Variants in PCDHA4 observed in about 807,000 individuals in gnomAD.
PCDHA4 encodes protocadherin alpha 4, also known as protocadherin alpha-4.
A neutral mutation model predicts 61.4 loss-of-function variants in PCDHA4; 49 were observed. That is an observed-to-expected ratio of 0.80 (90% CI 0.63 to 1.01). The LOEUF is 1.01. PCDHA4 is among the 50% of genes least tolerant of loss of function. PCDHA4 has a pLI of 0.00. For synonymous variants in PCDHA4, 590 were observed against 550.3 expected (o/e 1.07, Z -1.01); for missense variants, 1,254 against 1,235.8 (o/e 1.01, Z -0.22).
At chr5:140,964,446 G>A (rs782155669) in intron 1 of PCDHA4, among the ~76,000 whole-genome samples, 2 of 152,100 alleles carry the variant, frequency 1.3e-5, no homozygotes, top group Non-Finnish European at 2.9e-5. Context: ...CTCTGCCACT[G>A]TAATCTCTTC....
At chr5:140,968,986 A>ATGCTGTGGAGGC (rs782197469) in intron 1 of PCDHA4, 25 of 1,614,206 alleles carry the variant, frequency 1.5e-5, no homozygotes, top group Non-Finnish European at 1.9e-5. Flanking sequence ...ATGGCACTGC[A>ATGCTGTGGAGGC]TGCTGTGGAG....
chr5:140,820,280 A>T (rs188289585), intron 1 of PCDHA4, among the ~76,000 whole-genome samples: 5 of 152,118 alleles, frequency 3.3e-5, no homozygotes, highest in African/African-American at 1.2e-4. Flanking sequence ...ATCTTTAAAG[A>T]TTGTATCAGA....
At chr5:140,910,067 G>A (rs868941459) in intron 1 of PCDHA4, among the ~76,000 whole-genome samples, 11 of 152,312 alleles carry the variant, frequency 7.2e-5, no homozygotes, top group Non-Finnish European at 1.3e-4. Context: ...TTTTAACAGC[G>A]TAAATTGTTG....
At chr5:140,970,815 A>G (rs782758365) in intron 1 of PCDHA4, among the ~76,000 whole-genome samples, 2 of 152,114 alleles carry the variant, frequency 1.3e-5, no homozygotes, top group Non-Finnish European at 2.9e-5. Flanking sequence ...TTTCAAGTTC[A>G]TGGTAATCTT....
In PCDHA4 at chr5:140,863,490, A is replaced by C. The variant is rs149382847; in HGVS notation, c.2385+53918A>C. ...TGGAGAGTCGCCTCCCAAGGTCAAC[A>C]TTACGGCTTTTAGTCCTAGTGTTCT... is the stretch of plus-strand genomic sequence containing the variant. On this transcript the variant is annotated intron_variant, in intron 1 of 3. Coordinates refer to ENST00000530339, the MANE Select transcript of PCDHA4 (RefSeq NM_018907.4). 1.5e-4 allele frequency: 69 copies of C among 449,374 alleles called. No homozygotes were observed. In the East Asian group the frequency reaches 3.4e-3, roughly 22 times the overall value. 27.8% of individuals were successfully genotyped at this position (449,374 alleles called of 1,614,324 possible). A position where few individuals can be genotyped will look rare whatever the true frequency, so the allele number is the denominator to read the frequency against.
At chr5:140,900,941 C>T (rs1241522274) in intron 1 of PCDHA4, among the ~76,000 whole-genome samples, 1 of 152,140 alleles carries the variant, frequency 6.6e-6, no homozygotes, top group African/African-American at 2.4e-5. Flanking sequence ...TTTTGATTTG[C>T]ATTTCTCTGA....
rs1193059751 is a variant in PCDHA4 at position 140,857,644 on chromosome 5, C to G, written c.2385+48072C>G. ...ACGAGGAGCTGGAGCTGCTACAGTT[C>G]CAGGTGAGCGCGCGCGATGGGGGCG... On this transcript the variant is annotated intron_variant, in intron 1 of 3. Coordinates refer to ENST00000530339, the MANE Select transcript of PCDHA4 (RefSeq NM_018907.4). 9 of 1,596,322 alleles carry G rather than the reference C, an allele frequency of 5.6e-6. 1 individual carries two copies. Among genetic ancestry groups the G allele is most frequent in the Non-Finnish European group, 7.7e-6 (9 of 1,167,662 alleles).
At chr5:140,961,248 G>A (rs144956279) in intron 1 of PCDHA4, among the ~76,000 whole-genome samples, 129 of 152,276 alleles carry the variant, frequency 8.5e-4, no homozygotes, top group African/African-American at 1.8e-3. Flanking sequence ...GAATTTATCC[G>A]AAGCTCCAGG....
At chr5:140,870,944 C>G in intron 1 of PCDHA4, 1 of 1,613,658 alleles carries the variant, frequency 6.2e-7, no homozygotes, top group Middle Eastern at 1.7e-4. Context: ...CAGCCGGCGG[C>G]GGGCGGCTCG....
In PCDHA4 at chr5:140,870,728, C is replaced by G. The variant is rs531202250; in HGVS notation, c.2385+61156C>G. On this transcript the variant is annotated intron_variant, in intron 1 of 3. Transcript: ENST00000530339. Reference sequence around the variant, plus strand: ...GTGAGCGCGCGCGATGCGGGCGTGCCGCCTCTGAGCAGCAACGTGACGCTG... The same window carrying G: ...GTGAGCGCGCGCGATGCGGGCGTGCGGCCTCTGAGCAGCAACGTGACGCTG... The G allele has an allele frequency of 5.0e-6, 8 of 1,613,220 alleles. No individual in the cohort carries two copies. The East Asian group carries it at 6.7e-5, about 13-fold the overall frequency.
Position 140,982,562 on chromosome 5 carries a change from A to C in PCDHA4, c.2532A>C (p.Pro844=). ...QQWPTVSSAT[P]EPEAGEVSPP... ...GGCCAACAGTATCCAGTGCAACACCAGGTAAAGAGCTGGGGTCTCTCCATT... is the reference window on the plus strand; with the variant it reads ...GGCCAACAGTATCCAGTGCAACACCCGGTAAAGAGCTGGGGTCTCTCCATT... Residue 844 remains proline, a splice_region_variant and synonymous_variant, in exon 3 of 4, where the codon CCA becomes CCC. Coordinates refer to ENST00000530339, the MANE Select transcript of PCDHA4 (RefSeq NM_018907.4). 3 of 1,614,062 alleles carry C rather than the reference A, an allele frequency of 1.9e-6. No individual in the cohort carries two copies. The highest frequency in any genetic ancestry group is 2.5e-6 in the Non-Finnish European group (3 of 1,179,936).
intron 1 of PCDHA4, chr5:140,860,578 G>T (rs1420299092): frequency 1.3e-5 from 2 of 152,134 alleles, no homozygotes; most frequent in Non-Finnish European, 2.9e-5. Flanking sequence ...ACACAAGAAG[G>T]TATAGGAAAG....
At chr5:140,966,687 G>A in intron 1 of PCDHA4, 1 of 1,340,546 alleles carries the variant, frequency 7.5e-7, no homozygotes, top group East Asian at 2.9e-5. Flanking sequence ...ACGAGCGGAG[G>A]CGGGGCCCGG....
chr5:140,877,415 T>A (rs1554169714), intron 1 of PCDHA4: 3 of 1,613,882 alleles, frequency 1.9e-6, no homozygotes, highest in Non-Finnish European at 2.5e-6. Flanking sequence ...CACCGCCTGC[T>A]GGTGCTGGTG....
At chr5:140,876,649 G>A (rs372867848) in intron 1 of PCDHA4, 6 of 1,614,222 alleles carry the variant, frequency 3.7e-6, no homozygotes, top group Non-Finnish European at 5.1e-6. Flanking sequence ...GACACCTCAT[G>A]TTCCCTTCAA....
intron 3 of PCDHA4, among the ~76,000 whole-genome samples, chr5:140,985,361 G>T (rs1453706797): frequency 1.3e-5 from 2 of 152,132 alleles, no homozygotes; most frequent in Non-Finnish European, 2.9e-5. Flanking sequence ...GACCCTCTGA[G>T]GTTATCTGGG....
intron 1 of PCDHA4, chr5:140,823,047 G>A: frequency 4.3e-6 from 7 of 1,614,198 alleles, no homozygotes; most frequent in South Asian, 2.2e-5. Flanking sequence ...AGCTGGTGGT[G>A]ACCGCGCGGG....
chr5:140,821,818 C>A (rs2150110857), intron 1 of PCDHA4: 1 of 1,613,972 alleles, frequency 6.2e-7, no homozygotes, highest in Non-Finnish European at 8.5e-7. Context: ...CCGGCTCCTG[C>A]TGCTCTGGCT....
chr5:140,848,487 G>T (rs2150411102), intron 1 of PCDHA4: 1 of 1,574,380 alleles, frequency 6.4e-7, no homozygotes, highest in Non-Finnish European at 8.7e-7. Context: ...AGAAGACTGA[G>T]TATTTGAAAT....
Sources: allele counts gnomAD v4.1 joint callset (sites outside exome capture counted in the v4.1 genomes callset), GRCh38; gene constraint gnomAD v4.1.1; transcripts MANE v1.5; gene names NCBI Gene and HGNC (gene_info 2026-07-23, HGNC 2026-07-21).